SEMA3D: variants seen among roughly 807,000 people sequenced by gnomAD.
SEMA3D encodes the protein semaphorin-3D.
Under a neutral mutation model 100.1 loss-of-function variants are expected in SEMA3D, and 84 were observed. That is an observed-to-expected ratio of 0.84 (90% CI 0.70 to 1.01). The LOEUF is 1.01. SEMA3D is among the 50% of genes least tolerant of loss of function. The pLI, the probability that SEMA3D is intolerant of heterozygous loss-of-function variation, is 0.00. For missense variants in SEMA3D, 875 were observed against 934.1 expected (o/e 0.94, Z 0.82); for synonymous variants, 312 against 320.7 (o/e 0.97, Z 0.29).
chr7:85,024,934 A>C (rs1790352149), intron 12 of SEMA3D, among the ~76,000 whole-genome samples: 2 of 152,058 alleles, frequency 1.3e-5, no homozygotes, highest in African/African-American at 4.8e-5. Context: ...TAAAGTAGGA[A>C]AGAAAAATTT....
intron 2 of SEMA3D, chr7:85,144,667 C>T: frequency 1.0e-6 from 1 of 985,254 alleles, no homozygotes; most frequent in Non-Finnish European, 1.2e-6. Context: ...ACATTTAAGT[C>T]AGCCTGGAGC....
chr7:85,230,599 T>C, the SEMA3D span, among the ~76,000 whole-genome samples: 1 of 152,218 alleles, frequency 6.6e-6, no homozygotes, highest in African/African-American at 2.4e-5. Flanking sequence ...GTTTTACTTA[T>C]TAAAAGTATA....
intron 1 of SEMA3D, among the ~76,000 whole-genome samples, chr7:85,180,712 A>C (rs983527083): frequency 6.6e-6 from 1 of 152,228 alleles, no homozygotes; most frequent in African/African-American, 2.4e-5. Flanking sequence ...AAGTCCATAC[A>C]TTATTCAGAT....
intron 7 of SEMA3D, among the ~76,000 whole-genome samples, chr7:85,066,942 A>AGG (rs1791644630): frequency 6.6e-6 from 1 of 151,500 alleles, no homozygotes; most frequent in Non-Finnish European, 1.5e-5. Context: ...AGAGAGAGAG[A>AGG]GAGAACTCCA....
At chr7:85,188,210 T>C (rs954326629), upstream of SEMA3D, among the ~76,000 whole-genome samples, 1 of 152,190 alleles carries the variant, frequency 6.6e-6, no homozygotes, top group South Asian at 2.1e-4. Flanking sequence ...AAAGGAGTCA[T>C]TTTAAGTTAT....
At chr7:85,211,796 C>A in the SEMA3D span, among the ~76,000 whole-genome samples, 1 of 152,030 alleles carries the variant, frequency 6.6e-6, no homozygotes, top group Non-Finnish European at 1.5e-5. Flanking sequence ...TGATGATCTA[C>A]TTCCAGTAAA....
At chr7:85,000,602 C>T (rs536953360) in intron 18 of SEMA3D, among the ~76,000 whole-genome samples, 1 of 152,096 alleles carries the variant, frequency 6.6e-6, no homozygotes, top group Non-Finnish European at 1.5e-5. Context: ...TTTATACTGT[C>T]ATTTGTGGAA....
At chr7:85,029,410 A>G (rs1342499598) in intron 12 of SEMA3D, 3 of 833,498 alleles carry the variant, frequency 3.6e-6, no homozygotes, top group Admixed American at 3.4e-5. Flanking sequence ...CATGAAAGCA[A>G]CTGCTGAAGA....
the SEMA3D span, among the ~76,000 whole-genome samples, chr7:85,217,331 T>C: frequency 2.0e-5 from 3 of 152,058 alleles, no homozygotes; most frequent in African/African-American, 7.2e-5. Context: ...CGAATATTTA[T>C]TTGGCACTGG....
chr7:85,081,010 G>C (rs1349125716), intron 5 of SEMA3D, among the ~76,000 whole-genome samples: 19 of 152,110 alleles, frequency 1.2e-4, no homozygotes, highest in Non-Finnish European at 2.9e-5. Context: ...CCAGAATGCT[G>C]TCATTCATTA....
chr7:85,030,766 T>A (rs1285408773), intron 12 of SEMA3D, among the ~76,000 whole-genome samples: 2 of 152,052 alleles, frequency 1.3e-5, no homozygotes, highest in Non-Finnish European at 2.9e-5. Context: ...AAGTTGGAAA[T>A]TTTCTGCCTT....
intron 2 of SEMA3D, chr7:85,140,645 C>A (rs1790020098): frequency 1.0e-6 from 1 of 970,618 alleles, no homozygotes; most frequent in Non-Finnish European, 1.2e-6. Flanking sequence ...CTATAGCCTA[C>A]AACCTGCAAG....
chr7:85,226,964 C>G, the SEMA3D span, among the ~76,000 whole-genome samples: 1 of 152,080 alleles, frequency 6.6e-6, no homozygotes, highest in Non-Finnish European at 1.5e-5. Flanking sequence ...AAAGTATGTG[C>G]ATTAAGCGCA....
chr7:85,028,919 C>A lies in SEMA3D; in HGVS notation c.1192-6306G>T, dbSNP rs1223289106. ...GAAAATAGCTGAATGAGAGCATCAA[C>A]CCTCATGAAGCTGTTGCTTATGATG... On this transcript the variant is annotated intron_variant, in intron 12 of 18. Transcript: ENST00000284136. The A allele has an allele frequency of 1.2e-5, 3 of 259,964 alleles. No individual in the cohort carries two copies. In the East Asian group the frequency reaches 3.1e-4, roughly 27 times the overall value. 16.1% of individuals were successfully genotyped at this position (259,964 alleles called of 1,614,324 possible).
chr7:85,093,760 G>T (rs112043722), intron 4 of SEMA3D, among the ~76,000 whole-genome samples: 1,551 of 152,088 alleles, frequency 0.01, 27 homozygotes, highest in African/African-American at 0.035. Context: ...ATCAGACATT[G>T]TGCAATGCAC....
At chr7:85,212,043 T>G in the SEMA3D span, among the ~76,000 whole-genome samples, 1 of 152,108 alleles carries the variant, frequency 6.6e-6, no homozygotes, top group African/African-American at 2.4e-5. Context: ...ATCACTAATC[T>G]CCTACTTGTT....
intron 9 of SEMA3D, among the ~76,000 whole-genome samples, chr7:85,044,977 A>C (rs2116011196): frequency 6.6e-6 from 1 of 152,212 alleles, no homozygotes; most frequent in African/African-American, 2.4e-5. Flanking sequence ...TAGTTAATAA[A>C]TAACTAAGAA....
chr7:85,120,241 T>C (rs1410165819), intron 3 of SEMA3D, among the ~76,000 whole-genome samples: 1 of 152,200 alleles, frequency 6.6e-6, no homozygotes, highest in Non-Finnish European at 1.5e-5. Context: ...GCCTTGACTT[T>C]GTTTTTAATT....
chr7:85,182,339 C>T (rs961727512), intron 1 of SEMA3D, among the ~76,000 whole-genome samples: 6 of 152,100 alleles, frequency 3.9e-5, no homozygotes, highest in Non-Finnish European at 8.8e-5. Flanking sequence ...TTAGAAATAA[C>T]ACTTTTTGCT....
Sources: allele counts gnomAD v4.1 joint callset (sites outside exome capture counted in the v4.1 genomes callset), GRCh38; gene constraint gnomAD v4.1.1; transcripts MANE v1.5; gene names NCBI Gene and HGNC (gene_info 2026-07-23, HGNC 2026-07-21).